Variants in RNF228 observed in about 807,000 individuals in gnomAD.
The protein encoded by RNF228 is ring finger protein 228.
chr2:222,318,205 C>T, the RNF228 span: 1 of 152,248 alleles, frequency 6.6e-6, no homozygotes, highest in Non-Finnish European at 1.5e-5. Flanking sequence ...CTGGCAGTAA[C>T]ACCGTGAATA....
the RNF228 span, chr2:222,317,752 A>G: frequency 6.6e-6 from 1 of 152,232 alleles, no homozygotes; most frequent in South Asian, 2.1e-4. Context: ...ATAAGTGTAT[A>G]CGATATATAT....
chr2:222,318,068 G>A, the RNF228 span: 13 of 152,200 alleles, frequency 8.5e-5, no homozygotes, highest in African/African-American at 3.1e-4. Context: ...AGGGGAAGGA[G>A]AAAATCTAGT....
chr2:222,317,106 T>C, the RNF228 span: 1 of 152,226 alleles, frequency 6.6e-6, no homozygotes, highest in African/African-American at 2.4e-5. Context: ...CACATTTCCA[T>C]GTGTGAGTTA....
chr2:222,316,902 A>G, the RNF228 span, among the ~76,000 whole-genome samples: 2 of 152,240 alleles, frequency 1.3e-5, no homozygotes, highest in Non-Finnish European at 2.9e-5. Flanking sequence ...CTGAAAAGTG[A>G]CTTTTAGTAA....
the RNF228 span, among the ~76,000 whole-genome samples, chr2:222,314,859 C>A: frequency 6.6e-6 from 1 of 152,168 alleles, no homozygotes; most frequent in Admixed American, 6.5e-5. Context: ...CTGCAATGTG[C>A]TTTTTTCCCA....
chr2:222,319,658 G>A, the RNF228 span, among the ~76,000 whole-genome samples: 1 of 145,816 alleles, frequency 6.9e-6, no homozygotes, highest in African/African-American at 2.5e-5. This position sits in a 1 kb window ranked among gnomAD's most constrained non-coding sequence, Gnocchi z 7.6. Context: ...TGGGCAGGCC[G>A]TGCACGCGGC....
chr2:222,317,367 T>G, the RNF228 span: 2 of 152,220 alleles, frequency 1.3e-5, no homozygotes, highest in African/African-American at 4.8e-5. Flanking sequence ...ACTCCTATGA[T>G]AGATACAAAT....
the RNF228 span, among the ~76,000 whole-genome samples, chr2:222,315,876 G>C: frequency 6.6e-6 from 1 of 152,152 alleles, no homozygotes; most frequent in Non-Finnish European, 1.5e-5. Context: ...ATGAAAGCAT[G>C]ATGATGAGTC....
At chr2:222,317,379 CTCGAT>C in the RNF228 span, 1 of 152,228 alleles carries the variant, frequency 6.6e-6, no homozygotes, top group Non-Finnish European at 1.5e-5. Context: ...GATACAAATG[CTCGAT>C]TCAAGTTCAA....
chr2:222,317,546 A>G, the RNF228 span: 2 of 152,214 alleles, frequency 1.3e-5, no homozygotes, highest in Non-Finnish European at 2.9e-5. Flanking sequence ...TTTTCATATA[A>G]AATACATTTG....
chr2:222,316,103 C>T, the RNF228 span, among the ~76,000 whole-genome samples: 1 of 152,198 alleles, frequency 6.6e-6, no homozygotes, highest in Admixed American at 6.5e-5. Context: ...AACTTACTTG[C>T]TATTTCAACA....
At chr2:222,315,388 T>A in the RNF228 span, among the ~76,000 whole-genome samples, 63 of 152,326 alleles carry the variant, frequency 4.1e-4, no homozygotes, top group African/African-American at 1.5e-3. Flanking sequence ...GCAAACAGTA[T>A]AACACATATT....
At chr2:222,314,779 T>C in the RNF228 span, among the ~76,000 whole-genome samples, 1 of 152,236 alleles carries the variant, frequency 6.6e-6, no homozygotes, top group African/African-American at 2.4e-5. Context: ...AAAGATTGAA[T>C]ACTTAAGAAA....
At chr2:222,319,567 G>A in the RNF228 span, among the ~76,000 whole-genome samples, 1 of 146,212 alleles carries the variant, frequency 6.8e-6, no homozygotes, top group East Asian at 2.0e-4. This position sits in a 1 kb window ranked among gnomAD's most constrained non-coding sequence, Gnocchi z 7.6. Flanking sequence ...CGCGCGGGCA[G>A]CGGCGGGAGG....
At chr2:222,318,373 G>T in the RNF228 span, 19,763 of 152,276 alleles carry the variant, frequency 0.13, 1,605 homozygotes, top group Non-Finnish European at 0.18. Context: ...GCCCCATCGC[G>T]CCCAGCTGCT....
chr2:222,319,163 G>T, the RNF228 span: 1 of 289,812 alleles, frequency 3.5e-6, no homozygotes, highest in South Asian at 1.5e-4. The surrounding 1 kb of genome is among the most constrained non-coding windows in gnomAD (Gnocchi z 7.6). Context: ...AGGTGACAAC[G>T]ACCGAGAAGA....
At chr2:222,315,078 A>ATTTT in the RNF228 span, among the ~76,000 whole-genome samples, 8 of 148,442 alleles carry the variant, frequency 5.4e-5, no homozygotes, top group African/African-American at 2.0e-4. Flanking sequence ...TGCCATAAGT[A>ATTTT]TTTTTTTTTT....
At chr2:222,318,327 G>C in the RNF228 span, 2 of 152,336 alleles carry the variant, frequency 1.3e-5, no homozygotes, top group South Asian at 4.1e-4. Flanking sequence ...CGGCCACTCC[G>C]AGTCGGCTCC....
the RNF228 span, among the ~76,000 whole-genome samples, chr2:222,315,662 G>A: frequency 8.5e-5 from 13 of 152,154 alleles, no homozygotes; most frequent in East Asian, 7.7e-4. Flanking sequence ...GAGACTCAAA[G>A]GAGGTTAAAT....
Sources: allele counts gnomAD v4.1 joint callset (sites outside exome capture counted in the v4.1 genomes callset), GRCh38; gene constraint gnomAD v4.1.1; non-coding constraint Gnocchi (gnomAD v3.1); transcripts MANE v1.5; gene names NCBI Gene and HGNC (gene_info 2026-07-23, HGNC 2026-07-21).